Variants in ZNF445 observed in about 807,000 individuals in gnomAD.
ZNF445 encodes the protein zinc finger protein 168.
A neutral mutation model predicts 93.9 loss-of-function variants in ZNF445; 19 were observed. The observed-to-expected ratio is 0.20, with a 90% confidence interval of 0.14 to 0.30. The LOEUF is 0.30. Among genes scored for constraint, ZNF445 ranks in the 10% least tolerant of loss-of-function variants. The probability of loss-of-function intolerance (pLI) is 1.00; values close to 1 mark genes in which losing one functional copy is unlikely to be tolerated. For missense variants in ZNF445, 1,058 were observed against 1,259.4 expected (o/e 0.84, Z 2.42); for synonymous variants, 449 against 446.3 (o/e 1.01, Z -0.08).
chr3:44,469,039 CAAAA>C (rs58140525), intron 1 of ZNF445, among the ~76,000 whole-genome samples: 1 of 67,210 alleles, frequency 1.5e-5, no homozygotes. Flanking sequence ...GAGTCTGTCT[CAAAA>C]AAAAAAAAAA....
chr3:44,463,945 G>A (rs751885050), intron 1 of ZNF445, among the ~76,000 whole-genome samples: 1 of 152,080 alleles, frequency 6.6e-6, no homozygotes, highest in African/African-American at 2.4e-5. Context: ...TGGCCAATAC[G>A]GTGAAACCTC....
intron 1 of ZNF445, among the ~76,000 whole-genome samples, chr3:44,472,652 C>T (rs550971217): frequency 1.3e-4 from 20 of 152,294 alleles, no homozygotes; most frequent in African/African-American, 4.3e-4. Context: ...AAAGACCTCA[C>T]GGGCCTCTCA....
At chr3:44,469,255 G>A (rs1246570271) in intron 1 of ZNF445, among the ~76,000 whole-genome samples, 1 of 152,108 alleles carries the variant, frequency 6.6e-6, no homozygotes, top group Non-Finnish European at 1.5e-5. Flanking sequence ...AAGCTCAAGA[G>A]GTACAATGTT....
At chr3:44,448,978 A>G (rs1697919290) in intron 7 of ZNF445, among the ~76,000 whole-genome samples, 1 of 152,256 alleles carries the variant, frequency 6.6e-6, no homozygotes, top group African/African-American at 2.4e-5. Flanking sequence ...CAGCAGGGAA[A>G]TAAAAAGGAT....
rs1697797709 is a variant in ZNF445, at chr3:44,440,836, G to T, written c.*5739C>A. 6.6e-6 allele frequency: 1 copy of T among 152,048 alleles called. No homozygotes were observed. Among genetic ancestry groups the T allele is most frequent in the African/African-American group, 2.4e-5 (1 of 41,410 alleles). The allele number at this position is 152,048 out of a possible 1,614,324, so 9.4% of individuals were successfully genotyped here. On this transcript the variant is annotated 3_prime_UTR_variant, in exon 8 of 8. Coordinates refer to ENST00000396077, the MANE Select transcript of ZNF445 (RefSeq NM_181489.6). ...GATTATTCATAAGTTTCCCGGGAAAGGTGTGAGCAATTACCAGAACTGAGG... is the reference window on the plus strand; with the variant it reads ...GATTATTCATAAGTTTCCCGGGAAATGTGTGAGCAATTACCAGAACTGAGG...
At chr3:44,450,219 G>T (rs1224991396) in intron 6 of ZNF445, 1 of 541,124 alleles carries the variant, frequency 1.8e-6, no homozygotes, top group Non-Finnish European at 3.3e-6. Context: ...GATTACAGGT[G>T]TGAGCTACCA....
At chr3:44,450,271 G>A (rs1697938933) in intron 6 of ZNF445, 176 bp downstream of exon 6, 2 of 710,548 alleles carry the variant, frequency 2.8e-6, no homozygotes, top group East Asian at 2.7e-5. Context: ...CAGAATGGCA[G>A]GCATTATTCT....
intron 1 of ZNF445, among the ~76,000 whole-genome samples, chr3:44,472,023 A>G (rs574527208): frequency 6.6e-6 from 1 of 152,320 alleles, no homozygotes; most frequent in African/African-American, 2.4e-5. Flanking sequence ...ACACCTGATC[A>G]GGAGAAAGCT....
In ZNF445 at chr3:44,447,587, G is replaced by A; in HGVS notation, c.2084C>T (p.Thr695Ile). The A allele has an allele frequency of 6.2e-7, 1 of 1,614,144 alleles. No individual in the cohort carries two copies. The highest frequency in any genetic ancestry group is 8.5e-7 in the Non-Finnish European group (1 of 1,180,030). The change falls in exon 8 of 8, where the codon ACT becomes ATT. Residue 695 changes from threonine (T) to isoleucine (I), a missense_variant. This residue lies in a region of ZNF445 where 387 missense variants were observed against 475.7 expected (regional missense o/e 0.81). Coordinates refer to ENST00000396077, the MANE Select transcript of ZNF445 (RefSeq NM_181489.6). The surrounding 1 kb of genome is among the most constrained non-coding windows in gnomAD (Gnocchi z 4.7). The part of the protein sequence containing the change: ...QCGKTFTRKK[T>I]LVDHQRIHTG... ...GTGAATTCTCTGGTGGTCAACGAGA[G>A]TTTTCTTTCTAGTAAAAGTTTTCCC... is the stretch of plus-strand genomic sequence containing the variant.
rs953308538 is a variant in ZNF445 at position 44,443,549 on chromosome 3, G to T, written c.*3026C>A. On this transcript the variant is annotated 3_prime_UTR_variant, in exon 8 of 8. Transcript: ENST00000396077. ...TCCTGGAGATCGAGACCATCCTGGA[G>T]ATCGAGACCATCCTGGCTAACACAG... is the stretch of plus-strand genomic sequence containing the variant. 1 of 151,774 alleles carries T rather than the reference G, an allele frequency of 6.6e-6. No individual in the cohort carries two copies. Among genetic ancestry groups the T allele is most frequent in the Non-Finnish European group, 1.5e-5 (1 of 68,014 alleles). The allele number at this position is 151,774 out of a possible 1,614,324, so 9.4% of individuals were successfully genotyped here.
At chr3:44,476,771 A>G (rs982754144) in intron 1 of ZNF445, among the ~76,000 whole-genome samples, 1 of 152,170 alleles carries the variant, frequency 6.6e-6, no homozygotes, top group African/African-American at 2.4e-5. Flanking sequence ...TAGTTACTTC[A>G]TTGTGAAAGA....
chr3:44,462,318 T>C (rs1698127364), intron 1 of ZNF445, among the ~76,000 whole-genome samples: 2 of 152,222 alleles, frequency 1.3e-5, no homozygotes, highest in African/African-American at 4.8e-5. Context: ...GTAGGGATAC[T>C]TTCTCTTGGT....
At chr3:44,469,709 C>T (rs1698239636) in intron 1 of ZNF445, among the ~76,000 whole-genome samples, 1 of 151,998 alleles carries the variant, frequency 6.6e-6, no homozygotes. Context: ...GCAGAGGTTG[C>T]AGTGAGCCAA....
At position 44,471,701 on chromosome 3, in the gene ZNF445, G is replaced by A. The variant is rs571975430; in HGVS notation, c.-269+5890C>T. Among the ~76,000 whole-genome samples, 6 of 152,184 alleles carry A rather than the reference G, an allele frequency of 3.9e-5. No homozygotes were observed. In the South Asian group the frequency reaches 8.3e-4, roughly 21 times the overall value. On this transcript the variant is annotated intron_variant, in intron 1 of 7. Transcript: ENST00000396077. ...CACTAGAAGGCATGCAATCATCCAG[G>A]GATAAAAAAGAAACTACAGCCCTAC...
chr3:44,466,693 T>C (rs1698200285), intron 1 of ZNF445, among the ~76,000 whole-genome samples: 1 of 152,166 alleles, frequency 6.6e-6, no homozygotes, highest in Non-Finnish European at 1.5e-5. Context: ...AGGTATAAAA[T>C]TTAACAGGTG....
At chr3:44,473,899 A>G (rs1336078750) in intron 1 of ZNF445, among the ~76,000 whole-genome samples, 1 of 152,220 alleles carries the variant, frequency 6.6e-6, no homozygotes, top group African/African-American at 2.4e-5. Context: ...ATAACAGGGG[A>G]GAAGGGATAA....
Position 44,449,558 on chromosome 3 carries a change from T to A in ZNF445, c.886A>T (p.Met296Leu). 1 of 1,614,178 alleles carries A rather than the reference T, an allele frequency of 6.2e-7. No individual in the cohort carries two copies. Residue 296 changes from methionine to leucine, a missense_variant, in exon 7 of 8, where the codon ATG becomes TTG. This residue lies in a region of ZNF445 where 657 missense variants were observed against 746.4 expected (regional missense o/e 0.88). Transcript: ENST00000396077. ...TTCCCCTTAGGCTGAGCTGCCTGCA[T>A]GTTCAGGCCCCATGGCTCCCTTGCT... ...LEAREPWGLN[M>L]QAAQPKGNPV...
intron 4 of ZNF445, 70 bp from the exon 5 acceptor site, chr3:44,451,032 C>A (rs188346622): frequency 7.6e-7 from 1 of 1,308,766 alleles, no homozygotes; most frequent in Non-Finnish European, 1.0e-6. Flanking sequence ...ACTCTTCCCC[C>A]CAGTAGAGGA....
In ZNF445 at chr3:44,448,427, T is replaced by G; in HGVS notation, c.1244A>C (p.His415Pro). The G allele has an allele frequency of 6.2e-7, 1 of 1,614,066 alleles. No individual in the cohort carries two copies. Among genetic ancestry groups the G allele is most frequent in the South Asian group, 1.1e-5 (1 of 91,052 alleles). ...CATTCTGAAGTGTTTGCCACAGCCA[T>G]GTTTAAGGGATTCCTTTCTTCCAGA... ...RVSGRKESLK[H>P]GCGKHFRMSS... Residue 415 changes from histidine (H) to proline (P), a missense_variant, in exon 8 of 8, where the codon CAT becomes CCT. His to Pro is a moderately conservative substitution (Grantham distance 77). Around this residue, in one of 3 missense-constraint regions of ZNF445, gnomAD observed 657 missense variants for 746.4 expected, o/e 0.88. Transcript: ENST00000396077.
Sources: gnomAD v4.1 joint callset for allele counts (sites outside exome capture counted in the v4.1 genomes callset) on GRCh38, gnomAD v4.1.1 for gene constraint, gnomAD v4.1.1 regional missense constraint, Gnocchi (gnomAD v3.1) non-coding constraint, MANE v1.5 for transcripts, NCBI Gene and HGNC (gene_info 2026-07-23, HGNC 2026-07-21) for gene names.